PAX5: variants seen among roughly 807,000 people sequenced by gnomAD.
PAX5 encodes the protein paired box protein Pax-5.
A neutral mutation model predicts 43.7 loss-of-function variants in PAX5; 9 were observed. The ratio of observed to expected loss-of-function variants is 0.21; its 90% confidence interval spans 0.12 to 0.36. The LOEUF is 0.36. Ranked by LOEUF, PAX5 falls within the 10% of genes least tolerant of loss-of-function variation. The pLI is 1.00. For synonymous variants in PAX5, 228 were observed against 214.3 expected (o/e 1.06, Z -0.56); for missense variants, 383 against 532.7 (o/e 0.72, Z 2.77).
At chr9:36,983,016 G>A (rs1363153314) in intron 5 of PAX5, among the ~76,000 whole-genome samples, 17 of 152,172 alleles carry the variant, frequency 1.1e-4, no homozygotes. Context: ...ATGCTACCCA[G>A]CACAGTTCAG....
chr9:36,918,651 AC>A (rs1829900445), intron 7 of PAX5, among the ~76,000 whole-genome samples: 1 of 151,802 alleles, frequency 6.6e-6, no homozygotes, highest in Non-Finnish European at 1.5e-5. Context: ...ACACAGTGAG[AC>A]CCTGCCTCAA....
chr9:36,865,562 G>A (rs956777644), intron 8 of PAX5, among the ~76,000 whole-genome samples: 3 of 152,124 alleles, frequency 2.0e-5, no homozygotes, highest in African/African-American at 7.2e-5. Flanking sequence ...GGAGAGGCTG[G>A]GGAGAGAGGG....
chr9:36,984,564 C>A (rs1037962146), intron 5 of PAX5, among the ~76,000 whole-genome samples: 11 of 151,214 alleles, frequency 7.3e-5, no homozygotes, highest in African/African-American at 2.7e-4. Context: ...TCTCAGCCTC[C>A]TGAGTAGCTG....
At chr9:36,848,383 T>C (rs968885639) in intron 8 of PAX5, among the ~76,000 whole-genome samples, 160 of 9,458 alleles carry the variant, frequency 0.017, no homozygotes, top group Non-Finnish European at 0.039. Context: ...CACACACACA[T>C]GCTCGCGCTC....
In PAX5 at chr9:36,834,177, A is replaced by C. The variant is rs1413973622; in HGVS notation, c.*6383T>G. ...CTCAGCCCAACCTTGGAGGCCCAGC[A>C]GCTGGGGCTGAGAAGTGGGGCCCAG... is the stretch of plus-strand genomic sequence containing the variant. On this transcript the variant is annotated 3_prime_UTR_variant, in exon 10 of 10. Transcript: ENST00000358127. 2.1e-5 allele frequency: 5 copies of C among 233,182 alleles called. No individual in the cohort carries two copies. Among genetic ancestry groups the C allele is most frequent in the African/African-American group, 1.1e-4 (5 of 45,338 alleles). The allele number at this position is 233,182 out of a possible 1,614,324, so 14.4% of individuals were successfully genotyped here. A position where few individuals can be genotyped will look rare whatever the true frequency, so the allele number is the denominator to read the frequency against.
At chr9:36,903,286 T>C (rs1828554614) in intron 7 of PAX5, among the ~76,000 whole-genome samples, 1 of 152,212 alleles carries the variant, frequency 6.6e-6, no homozygotes, top group Non-Finnish European at 1.5e-5. Context: ...TCCCGGCTAC[T>C]CAGGAGGCTG....
At chr9:37,022,551 AC>A (rs774156035) in intron 1 of PAX5, among the ~76,000 whole-genome samples, 7 of 152,234 alleles carry the variant, frequency 4.6e-5, no homozygotes, top group Non-Finnish European at 7.3e-5. Flanking sequence ...TTTTGATATG[AC>A]CTGGGAGTCC....
chr9:36,894,952 G>A (rs1162433423), intron 7 of PAX5, among the ~76,000 whole-genome samples: 3 of 152,214 alleles, frequency 2.0e-5, no homozygotes, highest in East Asian at 1.9e-4. Flanking sequence ...AGGTGACCCC[G>A]CCTTCCTTTC....
At chr9:36,991,388 C>T (rs571094412) in intron 5 of PAX5, among the ~76,000 whole-genome samples, 112 of 152,190 alleles carry the variant, frequency 7.4e-4, no homozygotes, top group Non-Finnish European at 1.1e-3. Context: ...GCTCCAATTT[C>T]CACATTTTAA....
intron 8 of PAX5, among the ~76,000 whole-genome samples, chr9:36,874,232 A>G (rs772497814): frequency 6.6e-6 from 1 of 152,172 alleles, no homozygotes; most frequent in Non-Finnish European, 1.5e-5. Flanking sequence ...CTGTGGTCAC[A>G]CTGCTAATAA....
chr9:36,882,267 T>TAC lies in PAX5; in HGVS notation c.911-164_911-163dup, dbSNP rs10650417. Among the ~76,000 whole-genome samples, 4,244 of 146,316 alleles carry TAC rather than the reference T, an allele frequency of 0.029. 96 individuals are homozygous for TAC. Among genetic ancestry groups the TAC allele is most frequent in the Middle Eastern group, 0.067 (19 of 284 alleles). ...GCTCACACGCTCTCACAAACACACA[T>TAC]ACACACACACACACACACACACACA... On this transcript the variant is annotated intron_variant, in intron 7 of 9. Transcript: ENST00000358127. The surrounding 1 kb of genome is among the most constrained non-coding windows in gnomAD (Gnocchi z 4.4).
chr9:36,899,133 G>A (rs183451764), intron 7 of PAX5, among the ~76,000 whole-genome samples: 30 of 152,070 alleles, frequency 2.0e-4, no homozygotes, highest in African/African-American at 6.3e-4. Flanking sequence ...CCCCCAACTC[G>A]CCTCCATGCC....
chr9:36,900,673 C>T (rs1828302519), intron 7 of PAX5, among the ~76,000 whole-genome samples: 1 of 152,132 alleles, frequency 6.6e-6, no homozygotes, highest in Non-Finnish European at 1.5e-5. Flanking sequence ...TCCTCCTCAG[C>T]CACCCTGGTT....
chr9:36,867,538 T>A (rs1322824238), intron 8 of PAX5, among the ~76,000 whole-genome samples: 2 of 151,572 alleles, frequency 1.3e-5, no homozygotes, highest in Non-Finnish European at 2.9e-5. Flanking sequence ...TCCGTCCAGG[T>A]GGGGGTTCGT....
At chr9:37,026,534 A>G (rs765743035) in intron 1 of PAX5, 3 of 1,328,478 alleles carry the variant, frequency 2.3e-6, no homozygotes, top group East Asian at 4.0e-5. Flanking sequence ...CCTACTTACT[A>G]TGCATGGATG....
At chr9:37,032,409 C>CT (rs1227344415) in intron 1 of PAX5, among the ~76,000 whole-genome samples, 1 of 152,170 alleles carries the variant, frequency 6.6e-6, no homozygotes, top group African/African-American at 2.4e-5. Flanking sequence ...GAAAGTCCAT[C>CT]TGCTGAGAAG....
At chr9:36,916,822 C>T (rs1377936270) in intron 7 of PAX5, among the ~76,000 whole-genome samples, 1 of 152,018 alleles carries the variant, frequency 6.6e-6, no homozygotes, top group Non-Finnish European at 1.5e-5. Flanking sequence ...GTACCTGGGA[C>T]TACAGGTGTG....
chr9:36,902,849 C>A (rs921040049), intron 7 of PAX5, among the ~76,000 whole-genome samples: 1 of 152,214 alleles, frequency 6.6e-6, no homozygotes, highest in Non-Finnish European at 1.5e-5. Flanking sequence ...CTATAACATT[C>A]GGGGCTGATA....
At chr9:36,872,302 A>C (rs1825563956) in intron 8 of PAX5, among the ~76,000 whole-genome samples, 1 of 152,314 alleles carries the variant, frequency 6.6e-6, no homozygotes, top group South Asian at 2.1e-4. Flanking sequence ...GGGAACTTGG[A>C]AGCACTTTCT....
Sources: allele counts gnomAD v4.1 joint callset (sites outside exome capture counted in the v4.1 genomes callset), GRCh38; gene constraint gnomAD v4.1.1; non-coding constraint Gnocchi (gnomAD v3.1); transcripts MANE v1.5; gene names NCBI Gene and HGNC (gene_info 2026-07-23, HGNC 2026-07-21).